The following NEBL variants were observed in gnomAD, a reference collection of about 807,000 sequenced individuals.
NEBL encodes the protein nebulette.
A neutral mutation model predicts 140.2 loss-of-function variants in NEBL; 122 were observed. The observed-to-expected ratio is 0.87, with a 90% confidence interval of 0.75 to 1.01. The LOEUF is 1.01. NEBL is among the 50% of genes least tolerant of loss of function. The pLI, the probability that NEBL is intolerant of heterozygous loss-of-function variation, is 0.00. For synonymous variants in NEBL, 436 were observed against 398.9 expected, an observed-to-expected ratio of 1.09 and a Z score of -1.11; for missense variants, 1,365 against 1,231.3, an observed-to-expected ratio of 1.11 and a Z score of -1.62.
chr10:20,934,433 C>T (rs1051610926), intron 4 of NEBL, among the ~76,000 whole-genome samples: 9 of 152,156 alleles, frequency 5.9e-5, no homozygotes, highest in African/African-American at 1.9e-4. Context: ...CTTGCCACAC[C>T]ACTCCACATT....
upstream of NEBL, among the ~76,000 whole-genome samples, chr10:20,899,940 GT>G (rs1266896358): frequency 1.3e-5 from 2 of 152,062 alleles, no homozygotes; most frequent in Non-Finnish European, 2.9e-5. Context: ...TTCATGCAAA[GT>G]TTTCTCTAAA....
chr10:21,011,696 G>T (rs762257139), intron 3 of NEBL, among the ~76,000 whole-genome samples: 1 of 151,398 alleles, frequency 6.6e-6, no homozygotes, highest in Admixed American at 6.6e-5. Flanking sequence ...GGCATCTGTG[G>T]CTGGTAACCC....
chr10:21,009,014 A>T (rs1376890227), intron 3 of NEBL, among the ~76,000 whole-genome samples: 2 of 152,014 alleles, frequency 1.3e-5, no homozygotes, highest in African/African-American at 2.4e-5. Flanking sequence ...AGAATAAAAT[A>T]TTCTAGAATA....
chr10:21,191,009 A>C (rs1056354877), intron 3 of NEBL, among the ~76,000 whole-genome samples: 2 of 152,196 alleles, frequency 1.3e-5, no homozygotes, highest in South Asian at 4.1e-4. Flanking sequence ...TTCCTTTAGA[A>C]GTGTTCCCCC....
At chr10:20,887,951 T>A in intron 4 of NEBL, 146 bp downstream of exon 4, 1 of 686,894 alleles carries the variant, frequency 1.5e-6, no homozygotes, top group Non-Finnish European at 2.7e-6. Context: ...CAACAGCAAC[T>A]ACTGACAGCA....
intron 23 of NEBL, 134 bp from the exon 24 acceptor site, chr10:20,813,074 C>T (rs1838338652): frequency 5.2e-6 from 4 of 765,730 alleles, no homozygotes; most frequent in South Asian, 1.6e-5. Context: ...TCCAAATACT[C>T]CAAAACTAAA....
In NEBL at chr10:21,233,777, G is replaced by A. The variant is rs1392073630; in HGVS notation, n.348+14144C>T. On this transcript the variant is annotated intron_variant and non_coding_transcript_variant, in intron 3 of 8. Transcript: ENST00000675702. ...ATATAGATATATATTACATATAAAT[G>A]CATATATATGCATATATATTACATA... 1.1e-3 allele frequency among the ~76,000 whole-genome samples: 153 copies of A among 136,332 alleles called. 1 individual carries two copies. The highest frequency in any genetic ancestry group is 3.0e-3 in the South Asian group (13 of 4,396). 89.4% of individuals were successfully genotyped at this position (136,332 alleles called of 152,430 possible). A position where few individuals can be genotyped will look rare whatever the true frequency, so the allele number is the denominator to read the frequency against.
chr10:21,050,489 G>A (rs1834725444), intron 2 of NEBL, among the ~76,000 whole-genome samples: 1 of 152,180 alleles, frequency 6.6e-6, no homozygotes, highest in Non-Finnish European at 1.5e-5. Context: ...CCACATTAGA[G>A]AAGAGAGATG....
chr10:21,103,795 T>A (rs1837586972), intron 2 of NEBL, among the ~76,000 whole-genome samples: 1 of 152,224 alleles, frequency 6.6e-6, no homozygotes, highest in South Asian at 2.1e-4. Context: ...TTCATTTTCA[T>A]AAAGTCAATG....
chr10:20,937,904 C>T (rs1019051689), intron 4 of NEBL, among the ~76,000 whole-genome samples: 2 of 152,202 alleles, frequency 1.3e-5, no homozygotes, highest in Non-Finnish European at 2.9e-5. Flanking sequence ...GGGCGCCCGC[C>T]ATTGCCCAGG....
intron 4 of NEBL, among the ~76,000 whole-genome samples, chr10:20,933,906 T>C (rs916826285): frequency 6.6e-6 from 1 of 152,178 alleles, no homozygotes; most frequent in East Asian, 1.9e-4. Flanking sequence ...CATTTCCTTA[T>C]CACCAACTAT....
At position 21,033,746 on chromosome 10, in the gene NEBL, A is replaced by AG. The variant is rs1445050270; in HGVS notation, c.165-13546_165-13545insC. ...AAGAGCGAGACTTTGTCTCCGAAAA[A>AG]AAAAAAAAAAGAAAGAAAAGAAAAG... is the stretch of plus-strand genomic sequence containing the variant. On this transcript the variant is annotated intron_variant, in intron 2 of 6. Transcript: ENST00000417816. Among the ~76,000 whole-genome samples, 502 of 110,898 alleles carry AG rather than the reference A, an allele frequency of 4.5e-3. 6 individuals are homozygous for AG. The highest frequency in any genetic ancestry group is 0.015 in the African/African-American group (481 of 31,864). The allele number at this position is 110,898 out of a possible 152,430, so 72.8% of individuals were successfully genotyped here. A position where few individuals can be genotyped will look rare whatever the true frequency, so the allele number is the denominator to read the frequency against.
chr10:20,828,905 T>C (rs905469951), intron 16 of NEBL, among the ~76,000 whole-genome samples: 1 of 152,138 alleles, frequency 6.6e-6, no homozygotes, highest in Non-Finnish European at 1.5e-5. Flanking sequence ...AAGTTAACAG[T>C]ATTTTGAAGT....
chr10:21,178,756 T>C (rs1357566261), upstream of NEBL, among the ~76,000 whole-genome samples: 7 of 152,212 alleles, frequency 4.6e-5, no homozygotes. Context: ...AACTTCCAAT[T>C]TATCAAAAGC....
At chr10:20,839,400 A>C (rs1841196240) in intron 13 of NEBL, among the ~76,000 whole-genome samples, 1 of 152,148 alleles carries the variant, frequency 6.6e-6, no homozygotes, top group Non-Finnish European at 1.5e-5. Flanking sequence ...CACCAGGGGC[A>C]CGTGTTGTTT....
chr10:20,965,050 T>C (rs1415621832), intron 3 of NEBL, among the ~76,000 whole-genome samples: 1 of 152,226 alleles, frequency 6.6e-6, no homozygotes, highest in African/African-American at 2.4e-5. Context: ...TTACAAGATG[T>C]AATAGTTTAG....
chr10:21,073,418 A>G (rs1168388753), intron 2 of NEBL, among the ~76,000 whole-genome samples: 1 of 151,572 alleles, frequency 6.6e-6, no homozygotes, highest in Non-Finnish European at 1.5e-5. Context: ...GGAGTTCAAG[A>G]CCAACCTGGC....
At chr10:21,169,108 T>TA (rs1840965570) in intron 2 of NEBL, among the ~76,000 whole-genome samples, 2 of 64,032 alleles carry the variant, frequency 3.1e-5, no homozygotes, top group African/African-American at 9.3e-5. Flanking sequence ...ATATATATAT[T>TA]TGGACATATA....
chr10:21,137,581 C>G (rs1012453815), intron 2 of NEBL, among the ~76,000 whole-genome samples: 1 of 152,168 alleles, frequency 6.6e-6, no homozygotes, highest in East Asian at 1.9e-4. Context: ...AGGTCTTGGT[C>G]ACTGAGGTTA....
Sources: gnomAD v4.1 joint callset for allele counts (sites outside exome capture counted in the v4.1 genomes callset) on GRCh38, gnomAD v4.1.1 for gene constraint, MANE v1.5 for transcripts, NCBI Gene and HGNC (gene_info 2026-07-23, HGNC 2026-07-21) for gene names.